NXPE2: variants seen among roughly 807,000 people sequenced by gnomAD.
NXPE2 encodes the protein NXPE family member 2.
Under a neutral mutation model 34.4 loss-of-function variants are expected in NXPE2, and 34 were observed. The observed-to-expected ratio is 0.99, with a 90% CI of 0.75 to 1.31. The LOEUF is 1.31. Ranked by LOEUF, NXPE2 falls within the 40% of genes most tolerant of loss-of-function variation. NXPE2 has a pLI of 0.00. For synonymous variants in NXPE2, 235 were observed against 231.3 expected, an observed-to-expected ratio of 1.02 and a Z score of -0.15; for missense variants, 649 against 672.5, an observed-to-expected ratio of 0.97 and a Z score of 0.39.
At chr11:114,578,704 C>T in the NXPE2 span, among the ~76,000 whole-genome samples, 4 of 152,104 alleles carry the variant, frequency 2.6e-5, no homozygotes, top group East Asian at 1.9e-4. Flanking sequence ...AGCCAGGATC[C>T]GGGGTCATAG....
At chr11:114,666,615 G>A in the NXPE2 span, among the ~76,000 whole-genome samples, 1 of 152,058 alleles carries the variant, frequency 6.6e-6, no homozygotes, top group South Asian at 2.1e-4. Context: ...TAGGATATAT[G>A]GCCTTAAATC....
intron 2 of NXPE2, among the ~76,000 whole-genome samples, chr11:114,690,169 G>A (rs2135546915): frequency 6.6e-6 from 1 of 152,086 alleles, no homozygotes; most frequent in East Asian, 1.9e-4. Flanking sequence ...TCAATTGAGG[G>A]GTTACTTTAT....
downstream of NXPE2, among the ~76,000 whole-genome samples, chr11:114,710,155 T>G (rs927856206): frequency 1.3e-5 from 2 of 151,968 alleles, no homozygotes; most frequent in African/African-American, 4.8e-5. Context: ...GAAAAATGTT[T>G]GCAAATCAAC....
At chr11:114,633,092 ATT>A in the NXPE2 span, among the ~76,000 whole-genome samples, 2 of 119,306 alleles carry the variant, frequency 1.7e-5, no homozygotes, top group South Asian at 2.4e-4. Context: ...TCTTTTATGT[ATT>A]TTATATATTT....
At chr11:114,513,793 A>G in the NXPE2 span, among the ~76,000 whole-genome samples, 2 of 152,254 alleles carry the variant, frequency 1.3e-5, no homozygotes, top group Non-Finnish European at 2.9e-5. Context: ...ATATTACAGC[A>G]CTTCTGAGTC....
intron 2 of NXPE2, among the ~76,000 whole-genome samples, chr11:114,692,927 G>C (rs1391712449): frequency 6.6e-6 from 1 of 152,040 alleles, no homozygotes; most frequent in Admixed American, 6.5e-5. Context: ...CTCCATGGAG[G>C]AGGCACACAA....
At chr11:114,503,234 T>C in the NXPE2 span, among the ~76,000 whole-genome samples, 2 of 152,158 alleles carry the variant, frequency 1.3e-5, no homozygotes, top group East Asian at 1.9e-4. Context: ...TCCATATACA[T>C]AGAGCATCCA....
At chr11:114,810,714 A>G in the NXPE2 span, among the ~76,000 whole-genome samples, 1 of 152,156 alleles carries the variant, frequency 6.6e-6, no homozygotes, top group Non-Finnish European at 1.5e-5. Context: ...CTGTGGAGAA[A>G]TAGGAACACT....
the NXPE2 span, among the ~76,000 whole-genome samples, chr11:114,535,702 T>TA: frequency 6.6e-6 from 1 of 151,898 alleles, no homozygotes. Context: ...TACATAATGG[T>TA]AAAGGAATCA....
the NXPE2 span, among the ~76,000 whole-genome samples, chr11:114,750,188 T>A: frequency 6.6e-6 from 1 of 152,146 alleles, no homozygotes; most frequent in Non-Finnish European, 1.5e-5. Flanking sequence ...AGAATCAAAC[T>A]CTTCAATAAG....
At chr11:114,612,880 G>A in the NXPE2 span, among the ~76,000 whole-genome samples, 1 of 151,936 alleles carries the variant, frequency 6.6e-6, no homozygotes, top group African/African-American at 2.4e-5. Context: ...TGGATAATAA[G>A]TGTTGCCTCA....
At chr11:114,494,887 G>A in the NXPE2 span, among the ~76,000 whole-genome samples, 2 of 152,152 alleles carry the variant, frequency 1.3e-5, no homozygotes, top group African/African-American at 4.8e-5. Flanking sequence ...GTGTTGTGAT[G>A]TAAGTCTTTG....
the NXPE2 span, among the ~76,000 whole-genome samples, chr11:114,505,554 A>C: frequency 6.6e-6 from 1 of 152,196 alleles, no homozygotes; most frequent in Non-Finnish European, 1.5e-5. Context: ...AAGCCAGAGG[A>C]GATTGAGGGT....
chr11:114,718,865 A>G, the NXPE2 span, among the ~76,000 whole-genome samples: 1 of 152,156 alleles, frequency 6.6e-6, no homozygotes, highest in Admixed American at 6.5e-5. Context: ...TAAAATTCTT[A>G]TGGTGAAACT....
the NXPE2 span, among the ~76,000 whole-genome samples, chr11:114,560,072 G>A: frequency 2.0e-5 from 3 of 152,060 alleles, no homozygotes. Flanking sequence ...CCATGTTACT[G>A]GTGACCCTTG....
chr11:114,521,879 G>T, the NXPE2 span: 3 of 1,020,576 alleles, frequency 2.9e-6, no homozygotes, highest in Non-Finnish European at 4.4e-6. Context: ...ATTTTCCTTA[G>T]TTCCTAAAAT....
At chr11:114,741,984 A>G in the NXPE2 span, among the ~76,000 whole-genome samples, 1 of 152,016 alleles carries the variant, frequency 6.6e-6, no homozygotes, top group Non-Finnish European at 1.5e-5. Context: ...AATCAGCCCA[A>G]CTAGGGATTT....
the NXPE2 span, among the ~76,000 whole-genome samples, chr11:114,502,140 A>G: frequency 6.6e-6 from 1 of 152,234 alleles, no homozygotes; most frequent in Non-Finnish European, 1.5e-5. Context: ...CAAGTGTCAC[A>G]TACTTGACAC....
At chr11:114,625,342 C>CCCAG in the NXPE2 span, among the ~76,000 whole-genome samples, 1 of 152,060 alleles carries the variant, frequency 6.6e-6, no homozygotes, top group African/African-American at 2.4e-5. Context: ...ACCACTGTTA[C>CCCAG]TGGGTGTATA....
Sources: gnomAD v4.1 joint callset for allele counts (sites outside exome capture counted in the v4.1 genomes callset) on GRCh38, gnomAD v4.1.1 for gene constraint, MANE v1.5 for transcripts, NCBI Gene and HGNC (gene_info 2026-07-23, HGNC 2026-07-21) for gene names.